The following GALNTL6 variants were observed in gnomAD, a reference collection of about 807,000 sequenced individuals.
GALNTL6 encodes polypeptide N-acetylgalactosaminyltransferase like 6.
In GALNTL6, 46 loss-of-function variants were observed where a neutral mutation model predicts 73.7. The ratio of observed to expected loss-of-function variants is 0.62; its 90% CI spans 0.49 to 0.80. The LOEUF is 0.80. Ranked by LOEUF, GALNTL6 falls within the 30% of genes least tolerant of loss-of-function variation. The pLI is 0.00. For synonymous variants in GALNTL6, 259 were observed against 263.7 expected (o/e 0.98, Z 0.17); for missense variants, 604 against 755.0 (o/e 0.80, Z 2.34).
intron 5 of GALNTL6, among the ~76,000 whole-genome samples, chr4:172,402,113 T>C (rs1348626340): frequency 6.6e-6 from 1 of 152,138 alleles, no homozygotes; most frequent in Non-Finnish European, 1.5e-5. Context: ...ACATGAAATA[T>C]CTTCAATAAA....
At chr4:172,752,046 T>TAAAA (rs5864166) in intron 5 of GALNTL6, among the ~76,000 whole-genome samples, 1 of 135,016 alleles carries the variant, frequency 7.4e-6, no homozygotes, top group African/African-American at 2.8e-5. Flanking sequence ...AACTTAAACT[T>TAAAA]AAAAAAAAAA....
chr4:172,311,574 T>G, intron 3 of GALNTL6, 40 bp from the exon 4 acceptor site: 1 of 1,561,684 alleles, frequency 6.4e-7, no homozygotes, highest in Non-Finnish European at 8.7e-7. Context: ...TAAAATGGCT[T>G]TTATAGAGAT....
At chr4:172,460,176 A>G (rs1732560572) in intron 5 of GALNTL6, among the ~76,000 whole-genome samples, 1 of 152,228 alleles carries the variant, frequency 6.6e-6, no homozygotes, top group African/African-American at 2.4e-5. Context: ...TATGCAGAAG[A>G]GTGAAACTGA....
chr4:172,815,770 G>A (rs904555646), intron 7 of GALNTL6, among the ~76,000 whole-genome samples: 2 of 152,248 alleles, frequency 1.3e-5, no homozygotes, highest in Middle Eastern at 3.4e-3. Context: ...CTACGTAGGT[G>A]GTTGTTGAAC....
intron 2 of GALNTL6, 112 bp from the exon 3 acceptor site, chr4:172,229,544 T>TCA: frequency 1.6e-6 from 1 of 630,872 alleles, no homozygotes; most frequent in Middle Eastern, 2.7e-4. Context: ...CTCAGAAGAT[T>TCA]CACTTATTTA....
chr4:171,885,787 A>G (rs776557667), intron 2 of GALNTL6, among the ~76,000 whole-genome samples: 10 of 152,212 alleles, frequency 6.6e-5, no homozygotes, highest in Non-Finnish European at 1.5e-5. Flanking sequence ...CCTGAGTCAC[A>G]GTATGAGAAC....
At chr4:172,735,875 T>A (rs1736429315) in intron 5 of GALNTL6, among the ~76,000 whole-genome samples, 1 of 152,024 alleles carries the variant, frequency 6.6e-6, no homozygotes, top group Non-Finnish European at 1.5e-5. Flanking sequence ...TACAGCTGGG[T>A]CTCCAGGGGT....
At chr4:172,997,027 T>C (rs577016058) in intron 10 of GALNTL6, among the ~76,000 whole-genome samples, 2 of 152,298 alleles carry the variant, frequency 1.3e-5, no homozygotes, top group African/African-American at 4.8e-5. Context: ...TTCATTGTCA[T>C]GTCTCCATCC....
At chr4:172,068,469 T>G (rs1394857) in intron 2 of GALNTL6, among the ~76,000 whole-genome samples, 102,392 of 108,098 alleles carry the variant, frequency 0.95, 50,324 homozygotes, top group Middle Eastern at 1. Context: ...TGCTGATCTG[T>G]TTCTTGCATT....
intron 10 of GALNTL6, among the ~76,000 whole-genome samples, chr4:172,970,324 G>T (rs1343714082): frequency 6.6e-6 from 1 of 152,160 alleles, no homozygotes; most frequent in Admixed American, 6.5e-5. Context: ...ACCAGGGCAG[G>T]ATTTTTTCCC....
At chr4:172,987,117 C>T (rs546350027) in intron 10 of GALNTL6, among the ~76,000 whole-genome samples, 1 of 152,258 alleles carries the variant, frequency 6.6e-6, no homozygotes, top group Non-Finnish European at 1.5e-5. Context: ...GACTGATTTA[C>T]TTGCAAAATA....
At chr4:172,641,903 G>A (rs1414038867) in intron 5 of GALNTL6, among the ~76,000 whole-genome samples, 1 of 151,846 alleles carries the variant, frequency 6.6e-6, no homozygotes, top group Non-Finnish European at 1.5e-5. Flanking sequence ...TAATGTGATT[G>A]AAAAAATGGG....
At chr4:172,767,306 G>A (rs1579454663) in intron 5 of GALNTL6, among the ~76,000 whole-genome samples, 1 of 152,204 alleles carries the variant, frequency 6.6e-6, no homozygotes, top group South Asian at 2.1e-4. Flanking sequence ...GAGGCCAGAT[G>A]TTTTCACAGA....
In GALNTL6 at chr4:173,021,616, A is replaced by T; in HGVS notation, c.1629A>T (p.Gly543=). ...CHGMKGNQLW[G]YRKDRTLFHP... Reference sequence around the variant, plus strand: ...GCATGAAGGGGAACCAGCTCTGGGGATACCGGAAGGTAAGAGTCAGTCCAC... The same window carrying T: ...GCATGAAGGGGAACCAGCTCTGGGGTTACCGGAAGGTAAGAGTCAGTCCAC... The change falls in exon 12 of 13, where the codon GGA becomes GGT. Residue 543 remains glycine (G), a synonymous_variant. Coordinates refer to ENST00000506823, the MANE Select transcript of GALNTL6 (RefSeq NM_001034845.3). The T allele has an allele frequency of 1.2e-6, 2 of 1,613,790 alleles. No individual in the cohort carries two copies. The highest frequency in any genetic ancestry group is 1.7e-6 in the Non-Finnish European group (2 of 1,179,856).
chr4:172,943,643 C>T (rs1749018584), intron 9 of GALNTL6, among the ~76,000 whole-genome samples: 2 of 152,052 alleles, frequency 1.3e-5, no homozygotes, highest in Non-Finnish European at 2.9e-5. Flanking sequence ...AGCTTGTACA[C>T]CAAAGGACAC....
intron 2 of GALNTL6, among the ~76,000 whole-genome samples, chr4:172,194,020 T>G (rs1192279855): frequency 6.6e-6 from 1 of 152,110 alleles, no homozygotes; most frequent in Non-Finnish European, 1.5e-5. Flanking sequence ...CTTCAGAAGG[T>G]GGGTAGTAAC....
chr4:172,302,587 C>T lies in GALNTL6; in HGVS notation c.248-9027C>T, dbSNP rs79373209. Among the ~76,000 whole-genome samples, 835 of 152,262 alleles carry T rather than the reference C, an allele frequency of 5.5e-3. 9 individuals carry two copies. The highest frequency in any genetic ancestry group is 0.018 in the African/African-American group (763 of 41,532). The stretch of plus-strand genomic sequence containing the variant: ...AGGCATAAATCTGTGGCATTCCTTT[C>T]TCACAATGCTCTTACCTGGCTTTGA... On this transcript the variant is annotated intron_variant, in intron 3 of 12. Coordinates refer to ENST00000506823, the MANE Select transcript of GALNTL6 (RefSeq NM_001034845.3).
At chr4:172,648,301 G>A (rs1390258821) in intron 5 of GALNTL6, among the ~76,000 whole-genome samples, 2 of 152,106 alleles carry the variant, frequency 1.3e-5, no homozygotes, top group African/African-American at 2.4e-5. Flanking sequence ...AAAGTAAGTT[G>A]TCATTTGTCA....
intron 7 of GALNTL6, among the ~76,000 whole-genome samples, chr4:172,821,406 T>C (rs921814263): frequency 6.6e-6 from 1 of 152,206 alleles, no homozygotes; most frequent in Non-Finnish European, 1.5e-5. Context: ...TCTTTTACTC[T>C]CCTTGTAAGA....
Sources: allele counts gnomAD v4.1 joint callset (sites outside exome capture counted in the v4.1 genomes callset), GRCh38; gene constraint gnomAD v4.1.1; transcripts MANE v1.5; gene names NCBI Gene and HGNC (gene_info 2026-07-23, HGNC 2026-07-21).